Variants in EDIL3 observed in about 807,000 individuals in gnomAD.
EDIL3 encodes the protein EGF-like repeat and discoidin I-like domain-containing protein 3.
Under a neutral mutation model 67.4 loss-of-function variants are expected in EDIL3, and 37 were observed. The ratio of observed to expected loss-of-function variants is 0.55; its 90% CI spans 0.42 to 0.72. The LOEUF (loss-of-function observed/expected upper bound fraction) is 0.72. Among genes scored for constraint, EDIL3 ranks in the 30% least tolerant of loss-of-function variants. EDIL3 has a pLI of 0.00. For synonymous variants in EDIL3, 195 were observed against 196.3 expected, an observed-to-expected ratio of 0.99 and a Z score of 0.05; for missense variants, 527 against 586.3, an observed-to-expected ratio of 0.90 and a Z score of 1.04.
chr5:84,096,026 T>A (rs1052448858), intron 6 of EDIL3, among the ~76,000 whole-genome samples: 1 of 151,830 alleles, frequency 6.6e-6, no homozygotes, highest in Admixed American at 6.6e-5. Context: ...ATAATTGGGG[T>A]TTGGGAAACA....
At chr5:84,072,631 C>T (rs1349877966) in intron 6 of EDIL3, among the ~76,000 whole-genome samples, 1 of 152,134 alleles carries the variant, frequency 6.6e-6, no homozygotes, top group Non-Finnish European at 1.5e-5. Flanking sequence ...ATGTATCCTA[C>T]AAGTATGAGT....
At chr5:84,134,495 T>C (rs1748053624) in intron 5 of EDIL3, among the ~76,000 whole-genome samples, 1 of 152,142 alleles carries the variant, frequency 6.6e-6, no homozygotes, top group South Asian at 2.1e-4. Context: ...TTCCAAGATC[T>C]TACCTTCAAG....
intron 4 of EDIL3, among the ~76,000 whole-genome samples, chr5:84,164,981 G>GGGCA (rs1748679373): frequency 6.6e-6 from 1 of 151,996 alleles, no homozygotes. Context: ...AAATCAGCAA[G>GGGCA]GGCAGGACAA....
intron 1 of EDIL3, among the ~76,000 whole-genome samples, chr5:84,369,520 A>G (rs534241164): frequency 6.6e-6 from 1 of 152,254 alleles, no homozygotes; most frequent in South Asian, 2.1e-4. Context: ...TGAGGTACTT[A>G]GAGACTTAGA....
intron 1 of EDIL3, among the ~76,000 whole-genome samples, chr5:84,343,462 T>C (rs1289414468): frequency 1.3e-5 from 2 of 152,058 alleles, no homozygotes; most frequent in African/African-American, 4.8e-5. Context: ...ATTGCCTTTT[T>C]TTAGGGGAGA....
intron 6 of EDIL3, among the ~76,000 whole-genome samples, chr5:84,096,920 G>C (rs887766768): frequency 6.6e-6 from 1 of 152,122 alleles, no homozygotes; most frequent in African/African-American, 2.4e-5. Flanking sequence ...TTAAAAACGG[G>C]AGTTTCCCTG....
intron 1 of EDIL3, among the ~76,000 whole-genome samples, chr5:84,334,762 T>C (rs1408702500): frequency 6.6e-6 from 1 of 152,166 alleles, no homozygotes; most frequent in East Asian, 1.9e-4. Context: ...TCTTCTATCT[T>C]CCTAAAGTCA....
At position 84,352,803 on chromosome 5, in the gene EDIL3, G is replaced by T. The variant is rs367549415; in HGVS notation, c.67+31505C>A. On this transcript the variant is annotated intron_variant, in intron 1 of 10. Coordinates refer to ENST00000296591, the MANE Select transcript of EDIL3 (RefSeq NM_005711.5). ...CTAAATCCATAAAAATAAAAAATGT[G>T]ATTTCAAAAAAAGAAATATGATGTG... Among the ~76,000 whole-genome samples the T allele has an allele frequency of 5.9e-5, 9 of 151,938 alleles. No individual in the cohort carries two copies. The East Asian group carries it at 1.7e-3, about 29-fold the overall frequency.
intron 9 of EDIL3, among the ~76,000 whole-genome samples, chr5:84,049,138 T>A (rs1379674567): frequency 1.3e-5 from 2 of 152,128 alleles, no homozygotes; most frequent in Non-Finnish European, 2.9e-5. Context: ...AGCTGAAAAA[T>A]CTGATGCTAC....
chr5:84,354,827 A>G (rs1169233882), intron 1 of EDIL3, among the ~76,000 whole-genome samples: 3 of 148,624 alleles, frequency 2.0e-5, no homozygotes, highest in Admixed American at 1.3e-4. Flanking sequence ...TCATTTCCTT[A>G]TAAGAATTTC....
intron 2 of EDIL3, among the ~76,000 whole-genome samples, chr5:84,249,391 CT>C (rs1210580788): frequency 6.8e-6 from 1 of 146,224 alleles, no homozygotes; most frequent in African/African-American, 2.6e-5. Flanking sequence ...ATCTATCTAT[CT>C]ATCTATCTAT....
At chr5:84,316,236 A>G (rs1023784757) in intron 1 of EDIL3, among the ~76,000 whole-genome samples, 3 of 152,196 alleles carry the variant, frequency 2.0e-5, no homozygotes, top group Non-Finnish European at 4.4e-5. Flanking sequence ...CATCATAAAG[A>G]CAGGATCAAA....
intron 9 of EDIL3, among the ~76,000 whole-genome samples, chr5:83,998,623 T>A (rs1580272007): frequency 6.6e-6 from 1 of 152,092 alleles, no homozygotes; most frequent in Non-Finnish European, 1.5e-5. Flanking sequence ...AAATAAAGCA[T>A]CAGAGACTCC....
At chr5:84,210,310 T>A (rs1256708839) in intron 3 of EDIL3, among the ~76,000 whole-genome samples, 1 of 152,150 alleles carries the variant, frequency 6.6e-6, no homozygotes, top group East Asian at 1.9e-4. Flanking sequence ...TTTGCAATGA[T>A]GTGTTACTCT....
At position 83,944,269 on chromosome 5, in the gene EDIL3, T is replaced by A. The variant is rs147614094; in HGVS notation, c.1294-701A>T. Among the ~76,000 whole-genome samples the A allele has an allele frequency of 6.8e-3, 1,030 of 152,094 alleles. 15 individuals are homozygous for A. Among genetic ancestry groups the A allele is most frequent in the African/African-American group, 0.024 (977 of 41,514 alleles). The stretch of plus-strand genomic sequence containing the variant: ...AATCAATGCTGTTTTTGAACTGTTT[T>A]TCTCTTCTTTTTTGGCTTCATCTAT... On this transcript the variant is annotated intron_variant, in intron 10 of 10. Transcript: ENST00000296591.
At chr5:84,345,311 A>C (rs1580091084) in intron 1 of EDIL3, among the ~76,000 whole-genome samples, 1 of 152,274 alleles carries the variant, frequency 6.6e-6, no homozygotes, top group Admixed American at 6.5e-5. Context: ...ATTTTCCACA[A>C]AGAAAGATGG....
chr5:84,037,491 T>TA (rs1222522855), intron 9 of EDIL3, among the ~76,000 whole-genome samples: 2 of 152,212 alleles, frequency 1.3e-5, no homozygotes, highest in African/African-American at 4.8e-5. Context: ...ATTTCTCTAA[T>TA]ATGTTTTGCA....
chr5:84,133,642 A>G (rs996404439), intron 5 of EDIL3, among the ~76,000 whole-genome samples: 1 of 151,970 alleles, frequency 6.6e-6, no homozygotes, highest in African/African-American at 2.4e-5. Flanking sequence ...AAAGAAATAA[A>G]TAAATAAAAT....
intron 9 of EDIL3, among the ~76,000 whole-genome samples, chr5:83,969,768 T>A (rs892254564): frequency 6.6e-6 from 1 of 152,054 alleles, no homozygotes; most frequent in Non-Finnish European, 1.5e-5. Context: ...TTTTATTTTT[T>A]AAAAAATTGA....
Sources: allele counts gnomAD v4.1 joint callset (sites outside exome capture counted in the v4.1 genomes callset), GRCh38; gene constraint gnomAD v4.1.1; transcripts MANE v1.5; gene names NCBI Gene and HGNC (gene_info 2026-07-23, HGNC 2026-07-21).